The following RABGEF1 variants were observed in gnomAD, a reference collection of about 807,000 sequenced individuals.
RABGEF1 encodes rab5 GDP/GTP exchange factor.
A neutral mutation model predicts 57.3 loss-of-function variants in RABGEF1; 26 were observed. That is an observed-to-expected ratio of 0.45 (90% CI 0.33 to 0.63). The LOEUF (loss-of-function observed/expected upper bound fraction) is 0.63, where lower values mean the gene tolerates loss of function less well. Ranked by LOEUF, RABGEF1 falls within the 20% of genes least tolerant of loss-of-function variation. The pLI is 0.02. For synonymous variants in RABGEF1, 185 were observed against 210.7 expected (o/e 0.88, Z 1.06); for missense variants, 464 against 607.6 (o/e 0.76, Z 2.48).
At chr7:66,676,683 G>T in the RABGEF1 span, among the ~76,000 whole-genome samples, 1 of 152,132 alleles carries the variant, frequency 6.6e-6, no homozygotes, top group Admixed American at 6.6e-5. Context: ...GAACTGCTGG[G>T]CTCAAGCGAT....
At chr7:66,801,607 C>G (rs1370281354) in intron 7 of RABGEF1, among the ~76,000 whole-genome samples, 1 of 152,206 alleles carries the variant, frequency 6.6e-6, no homozygotes, top group Non-Finnish European at 1.5e-5. Flanking sequence ...AAGTGTTTAG[C>G]TCCCACCAAT....
chr7:66,803,139 C>T (rs1471078983), intron 7 of RABGEF1, among the ~76,000 whole-genome samples: 1 of 152,098 alleles, frequency 6.6e-6, no homozygotes, highest in African/African-American at 2.4e-5. Context: ...AGGAAGCAAA[C>T]AATAAAACAG....
intron 1 of RABGEF1, among the ~76,000 whole-genome samples, chr7:66,754,789 G>A (rs1193902835): frequency 6.6e-6 from 1 of 152,230 alleles, no homozygotes; most frequent in Admixed American, 6.5e-5. Flanking sequence ...GTGTGGGCGT[G>A]TGTGTATGTG....
Position 66,723,239 on chromosome 7 carries a change from G to A in RABGEF1, c.-815+11015G>A, listed in dbSNP as rs535910389. The stretch of plus-strand genomic sequence containing the variant: ...CTGCCTCAGCCTCCCAAAGTGCTGG[G>A]ATTACAGGCATGAGCCACCACACTG... On this transcript the variant is annotated intron_variant and NMD_transcript_variant, in intron 2 of 9. Transcript: ENST00000607882. Among the ~76,000 whole-genome samples, 5 of 152,264 alleles carry A rather than the reference G, an allele frequency of 3.3e-5. No individual in the cohort carries two copies. The South Asian group carries it at 1.0e-3, about 32-fold the overall frequency.
chr7:66,792,089 C>T (rs1032673076), intron 4 of RABGEF1, among the ~76,000 whole-genome samples: 11 of 144,132 alleles, frequency 7.6e-5, no homozygotes, highest in Non-Finnish European at 1.5e-4. Flanking sequence ...TGCAGCCTGG[C>T]GACAGAGCGA....
intron 2 of RABGEF1, among the ~76,000 whole-genome samples, chr7:66,772,961 A>T (rs1468515702): frequency 6.6e-6 from 1 of 152,038 alleles, no homozygotes; most frequent in Non-Finnish European, 1.5e-5. Context: ...GCTAGTGAGC[A>T]TAGGAACTAA....
intron 2 of RABGEF1, among the ~76,000 whole-genome samples, chr7:66,730,139 C>G (rs1363026246): frequency 6.6e-6 from 1 of 152,246 alleles, no homozygotes; most frequent in Non-Finnish European, 1.5e-5. Flanking sequence ...AGCAGCACTT[C>G]CTCACGTCCA....
intron 2 of RABGEF1, among the ~76,000 whole-genome samples, chr7:66,714,643 C>T (rs1795153513): frequency 6.6e-6 from 1 of 152,144 alleles, no homozygotes; most frequent in South Asian, 2.1e-4. Flanking sequence ...TTTCTTAAAA[C>T]AGAAATTTAG....
chr7:66,670,557 A>G, the RABGEF1 span, among the ~76,000 whole-genome samples: 3 of 142,144 alleles, frequency 2.1e-5, no homozygotes, highest in African/African-American at 7.8e-5. Flanking sequence ...AACAATTTTT[A>G]TTTTTAGCTG....
At chr7:66,703,119 G>A (rs1223117233) in intron 1 of RABGEF1, among the ~76,000 whole-genome samples, 5 of 151,972 alleles carry the variant, frequency 3.3e-5, no homozygotes, top group African/African-American at 1.2e-4. Context: ...GACTATAGGC[G>A]CCCGCTACCA....
intron 2 of RABGEF1, among the ~76,000 whole-genome samples, chr7:66,735,627 G>T (rs959819855): frequency 5.9e-5 from 9 of 152,278 alleles, no homozygotes; most frequent in African/African-American, 1.9e-4. Flanking sequence ...TGCTGTTCTC[G>T]TGATGGTGAG....
chr7:66,676,289 T>A, the RABGEF1 span, among the ~76,000 whole-genome samples: 161 of 151,118 alleles, frequency 1.1e-3, 2 homozygotes, highest in Middle Eastern at 6.8e-3. Context: ...TTTCAAAAAA[T>A]ATATATATAT....
At chr7:66,765,789 T>C (rs1223913876) in intron 1 of RABGEF1, among the ~76,000 whole-genome samples, 1 of 152,188 alleles carries the variant, frequency 6.6e-6, no homozygotes, top group Admixed American at 6.5e-5. Flanking sequence ...GCTGTGATCC[T>C]GAATTGGGGG....
At chr7:66,748,184 A>G (rs1266912479) in intron 1 of RABGEF1, among the ~76,000 whole-genome samples, 1 of 152,242 alleles carries the variant, frequency 6.6e-6, no homozygotes, top group Non-Finnish European at 1.5e-5. Context: ...GTGTGTTAGT[A>G]AAACTCCTTA....
chr7:66,768,636 A>G (rs13226966), intron 1 of RABGEF1, among the ~76,000 whole-genome samples: 52,193 of 151,822 alleles, frequency 0.34, 9,336 homozygotes, highest in Middle Eastern at 0.5. Context: ...TCTGTTTCAT[A>G]TATGTGCTGA....
intron 8 of RABGEF1, among the ~76,000 whole-genome samples, chr7:66,808,517 A>T (rs1788968366): frequency 6.6e-6 from 1 of 152,034 alleles, no homozygotes; most frequent in African/African-American, 2.4e-5. Context: ...CCCGGTCTGG[A>T]GCTGTTCTTT....
At position 66,810,285 on chromosome 7, in the gene RABGEF1, A is replaced by G. The variant is rs2129202024; in HGVS notation, c.*1001A>G. 6.6e-6 allele frequency: 1 copy of G among 152,350 alleles called. No homozygotes were observed. The highest frequency in any genetic ancestry group is 3.4e-3 in the Middle Eastern group (1 of 294). The allele number at this position is 152,350 out of a possible 1,614,324, so 9.4% of individuals were successfully genotyped here. A position where few individuals can be genotyped will look rare whatever the true frequency, so the allele number is the denominator to read the frequency against. ...ACATTTCAACCTCGGGACTATTCAT[A>G]TTAGTGGCCTGAGAGGTGTTTGTTG... On this transcript the variant is annotated 3_prime_UTR_variant, in exon 9 of 9. Transcript: ENST00000284957.
At chr7:66,740,675 T>C (rs560035663), upstream of RABGEF1, 1 of 152,886 alleles carries the variant, frequency 6.5e-6, no homozygotes, top group South Asian at 2.1e-4. Flanking sequence ...TCGCTGGCGG[T>C]GCCGGGGGCG....
At chr7:66,667,935 T>C in the RABGEF1 span, among the ~76,000 whole-genome samples, 1 of 151,866 alleles carries the variant, frequency 6.6e-6, no homozygotes, top group Admixed American at 6.6e-5. Flanking sequence ...GTAGCTGGAA[T>C]TATAGGCACA....
Sources: gnomAD v4.1 joint callset for allele counts (sites outside exome capture counted in the v4.1 genomes callset) on GRCh38, gnomAD v4.1.1 for gene constraint, MANE v1.5 for transcripts, NCBI Gene and HGNC (gene_info 2026-07-23, HGNC 2026-07-21) for gene names.